Variants in PACRG observed in about 807,000 individuals in gnomAD.
PACRG encodes parkin coregulated gene protein.
PACRG carries 29 observed loss-of-function variants against 29.7 expected under a neutral mutation model. The observed-to-expected ratio is 0.98, with a 90% CI of 0.73 to 1.33. The LOEUF (loss-of-function observed/expected upper bound fraction) is 1.33, where lower values mean the gene tolerates loss of function less well. Among genes scored for constraint, PACRG ranks in the 40% most tolerant of loss-of-function variants. PACRG has a pLI of 0.00. For missense variants in PACRG, 279 were observed against 316.2 expected (o/e 0.88, Z 0.89); for synonymous variants, 116 against 118.7 (o/e 0.98, Z 0.15).
At chr6:162,941,181 C>T (rs539888289) in intron 2 of PACRG, among the ~76,000 whole-genome samples, 2 of 152,278 alleles carry the variant, frequency 1.3e-5, no homozygotes, top group African/African-American at 4.8e-5. Flanking sequence ...CTCAAGCCCT[C>T]ATCCCACGGA....
intron 2 of PACRG, among the ~76,000 whole-genome samples, chr6:162,948,365 A>C (rs1562768527): frequency 6.6e-6 from 1 of 152,098 alleles, no homozygotes; most frequent in African/African-American, 2.4e-5. Flanking sequence ...CTAGACCCTT[A>C]TTTCTCACCA....
At chr6:162,936,970 A>G (rs1798278483) in intron 2 of PACRG, among the ~76,000 whole-genome samples, 1 of 152,188 alleles carries the variant, frequency 6.6e-6, no homozygotes, top group South Asian at 2.1e-4. Context: ...TAAGAGAAGC[A>G]TTTGAAAAAG....
chr6:162,957,384 T>C, intron 2 of PACRG: 1 of 610,826 alleles, frequency 1.6e-6, no homozygotes, highest in South Asian at 2.0e-5. Flanking sequence ...TTTTGGACAA[T>C]CTCATAAGAA....
chr6:162,860,543 G>A (rs1030318312), intron 2 of PACRG, among the ~76,000 whole-genome samples: 3 of 152,114 alleles, frequency 2.0e-5, no homozygotes, highest in African/African-American at 4.8e-5. Flanking sequence ...GATCTGCAAT[G>A]TGTGTAGTTA....
intron 4 of PACRG, among the ~76,000 whole-genome samples, chr6:163,124,176 G>T (rs1307795629): frequency 2.0e-5 from 3 of 152,142 alleles, no homozygotes; most frequent in African/African-American, 7.2e-5. Flanking sequence ...GGAGCTCTTT[G>T]TATATTTCAG....
intron 2 of PACRG, among the ~76,000 whole-genome samples, chr6:162,827,659 C>T (rs1788398878): frequency 6.6e-6 from 1 of 152,162 alleles, no homozygotes; most frequent in African/African-American, 2.4e-5. Context: ...CTTCTCATCA[C>T]TTGATGTCTT....
At chr6:162,729,041 ATC>A (rs1045191498) in intron 1 of PACRG, among the ~76,000 whole-genome samples, 11 of 152,186 alleles carry the variant, frequency 7.2e-5, no homozygotes, top group African/African-American at 2.7e-4. Flanking sequence ...TTCATATTTC[ATC>A]TCTATTATTT....
At chr6:163,153,102 A>G (rs1488462580) in intron 4 of PACRG, among the ~76,000 whole-genome samples, 2 of 152,216 alleles carry the variant, frequency 1.3e-5, no homozygotes, top group African/African-American at 4.8e-5. Context: ...TTTTGTTTGT[A>G]TTTAAATGTT....
intron 1 of PACRG, among the ~76,000 whole-genome samples, chr6:162,732,500 A>G (rs901735002): frequency 6.6e-6 from 1 of 152,168 alleles, no homozygotes; most frequent in African/African-American, 2.4e-5. Flanking sequence ...TCAAACTCAC[A>G]ATGTTTTATT....
Position 163,286,398 on chromosome 6 carries a change from A to G in PACRG, c.614-28429A>G, listed in dbSNP as rs562436414. Among the ~76,000 whole-genome samples, 9 of 152,336 alleles carry G rather than the reference A, an allele frequency of 5.9e-5. No individual in the cohort carries two copies. The East Asian group carries it at 1.5e-3, about 26-fold the overall frequency. On this transcript the variant is annotated intron_variant, in intron 4 of 4. Coordinates refer to ENST00000366888, the MANE Select transcript of PACRG (RefSeq NM_001080379.2). The stretch of plus-strand genomic sequence containing the variant: ...AGGTAGTAATAAAACAATATTCTGT[A>G]AAGAGTATCAGAGAGGCAGAAACAA...
intron 4 of PACRG, among the ~76,000 whole-genome samples, chr6:163,135,585 T>C (rs1816901997): frequency 1.3e-5 from 2 of 152,366 alleles, no homozygotes; most frequent in Admixed American, 1.3e-4. Context: ...CTCCTTTCTC[T>C]TTATTATAAA....
chr6:163,250,821 A>G (rs1481327814), intron 4 of PACRG, among the ~76,000 whole-genome samples: 1 of 151,712 alleles, frequency 6.6e-6, no homozygotes, highest in East Asian at 1.9e-4. Context: ...ACAATTCACA[A>G]TTGCAAAATT....
intron 4 of PACRG, among the ~76,000 whole-genome samples, chr6:163,306,921 A>C (rs1405509909): frequency 6.6e-6 from 1 of 152,248 alleles, no homozygotes; most frequent in Non-Finnish European, 1.5e-5. Flanking sequence ...CAGAGGCAGT[A>C]ACTGAGATTC....
intron 2 of PACRG, among the ~76,000 whole-genome samples, chr6:162,871,271 A>G (rs1470241400): frequency 6.6e-6 from 1 of 152,208 alleles, no homozygotes; most frequent in African/African-American, 2.4e-5. Flanking sequence ...AGGCACATAT[A>G]TTTTATGAAG....
intron 4 of PACRG, among the ~76,000 whole-genome samples, chr6:163,260,864 G>A (rs1434956255): frequency 1.3e-5 from 2 of 152,142 alleles, no homozygotes; most frequent in Non-Finnish European, 2.9e-5. Context: ...ACAGCGTGTT[G>A]GCCAGCTGCA....
chr6:162,851,408 A>C (rs1450313850), intron 2 of PACRG, among the ~76,000 whole-genome samples: 1 of 152,216 alleles, frequency 6.6e-6, no homozygotes, highest in African/African-American at 2.4e-5. Flanking sequence ...ATCCCAAAAG[A>C]ATTCTGAAAA....
rs985982922 is a variant in PACRG, at chr6:162,866,555, C to T, written c.291+52274C>T. 2.2e-4 allele frequency among the ~76,000 whole-genome samples: 34 copies of T among 152,170 alleles called. 1 individual carries two copies. Among genetic ancestry groups the T allele is most frequent in the African/African-American group, 8.2e-4 (34 of 41,516 alleles). ...GAGTTTTCTGCACTTCAGATTTCGC[C>T]ACTTCAGATATTTCATTATTCCATG... On this transcript the variant is annotated intron_variant, in intron 2 of 4. Transcript: ENST00000366888.
chr6:162,957,217 T>C, intron 2 of PACRG: 1 of 410,686 alleles, frequency 2.4e-6, no homozygotes, highest in Admixed American at 2.6e-5. Flanking sequence ...GCTTATGCCT[T>C]CAACACTTTC....
chr6:162,843,625 G>T (rs1364268649), intron 2 of PACRG, among the ~76,000 whole-genome samples: 2 of 133,018 alleles, frequency 1.5e-5, no homozygotes, highest in African/African-American at 5.7e-5. Flanking sequence ...ATCCAGCTTT[G>T]TTCCGTTGCT....
Sources: allele counts gnomAD v4.1 joint callset (sites outside exome capture counted in the v4.1 genomes callset), GRCh38; gene constraint gnomAD v4.1.1; transcripts MANE v1.5; gene names NCBI Gene and HGNC (gene_info 2026-07-23, HGNC 2026-07-21).